Variants in PDE4B observed in about 807,000 individuals in gnomAD.
PDE4B encodes 3',5'-cyclic-AMP phosphodiesterase 4B.
In PDE4B, 20 loss-of-function variants were observed where a neutral mutation model predicts 82.2. That is an observed-to-expected ratio of 0.24 (90% CI 0.17 to 0.35). PDE4B has a LOEUF of 0.35. Ranked by LOEUF, PDE4B falls within the 10% of genes least tolerant of loss-of-function variation. PDE4B has a pLI of 1.00. For synonymous variants in PDE4B, 320 were observed against 318.9 expected, an observed-to-expected ratio of 1.00 and a Z score of -0.04; for missense variants, 655 against 907.2, an observed-to-expected ratio of 0.72 and a Z score of 3.57.
intron 3 of PDE4B, among the ~76,000 whole-genome samples, chr1:66,085,367 G>A (rs1223444463): frequency 1.3e-5 from 2 of 152,168 alleles, no homozygotes; most frequent in South Asian, 2.1e-4. Flanking sequence ...TAGAGGAATA[G>A]ACACCATCAA....
At chr1:65,852,016 C>T (rs1171069821) in intron 1 of PDE4B, among the ~76,000 whole-genome samples, 1 of 151,968 alleles carries the variant, frequency 6.6e-6, no homozygotes, top group Non-Finnish European at 1.5e-5. Context: ...GTGAATTACA[C>T]TGATTGATTT....
chr1:66,024,121 T>C (rs1653301980), intron 3 of PDE4B, among the ~76,000 whole-genome samples: 1 of 152,136 alleles, frequency 6.6e-6, no homozygotes, highest in Admixed American at 6.6e-5. Flanking sequence ...AGACTGTCCA[T>C]ACAAGTATCC....
intron 16 of PDE4B, 152 bp downstream of exon 16, chr1:66,369,121 G>A (rs1663477164): frequency 1.7e-6 from 1 of 573,442 alleles, no homozygotes; most frequent in Non-Finnish European, 2.9e-6. Context: ...CAGGACTCAT[G>A]CGACTTCTCC....
At position 65,937,517 on chromosome 1, in the gene PDE4B, G is replaced by A. The variant is rs115186051; in HGVS notation, c.281+18682G>A. Among the ~76,000 whole-genome samples, 772 of 152,182 alleles carry A rather than the reference G, an allele frequency of 5.1e-3. 5 individuals carry two copies. Among genetic ancestry groups the A allele is most frequent in the African/African-American group, 0.018 (734 of 41,516 alleles). Reference sequence around the variant, plus strand: ...ATACCCATAGATGTGCAAATGCCAGGGATTCAACAAAAGCTGGTGCATGGA... The same window carrying A: ...ATACCCATAGATGTGCAAATGCCAGAGATTCAACAAAAGCTGGTGCATGGA... On this transcript the variant is annotated intron_variant, in intron 3 of 16. Transcript: ENST00000341517.
rs1251953704 is a variant in PDE4B at position 66,332,337 on chromosome 1, T to C, written c.635-171T>C. On this transcript the variant is annotated intron_variant, in intron 7 of 16. Coordinates refer to ENST00000341517, the MANE Select transcript of PDE4B (RefSeq NM_002600.4). ...AGCCATCCCAGGCAGAGCACCACTGTGATTTGTTCTCCTGGTGGAGAGAGC... is the reference window on the plus strand; with the variant it reads ...AGCCATCCCAGGCAGAGCACCACTGCGATTTGTTCTCCTGGTGGAGAGAGC... The C allele has an allele frequency of 3.7e-6, 6 of 1,602,338 alleles. No individual in the cohort carries two copies. The Admixed American group carries it at 1.0e-4, about 27-fold the overall frequency.
chr1:65,989,481 A>T (rs758996052), intron 3 of PDE4B, among the ~76,000 whole-genome samples: 15 of 152,214 alleles, frequency 9.9e-5, no homozygotes, highest in Non-Finnish European at 2.1e-4. Flanking sequence ...ACACAGCGAG[A>T]CACTGTCTAA....
chr1:66,030,062 G>A (rs1162588570), intron 3 of PDE4B, among the ~76,000 whole-genome samples: 6 of 145,720 alleles, frequency 4.1e-5, no homozygotes, highest in Admixed American at 2.8e-4. Flanking sequence ...TATCATGAAG[G>A]GATGTTGGAT....
intron 3 of PDE4B, among the ~76,000 whole-genome samples, chr1:66,151,493 T>G (rs907377938): frequency 2.5e-4 from 38 of 152,292 alleles, no homozygotes; most frequent in African/African-American, 8.7e-4. Context: ...AATCAACCAT[T>G]ATATTCAAAT....
At chr1:66,015,169 T>G (rs1455212269) in intron 3 of PDE4B, among the ~76,000 whole-genome samples, 1 of 152,168 alleles carries the variant, frequency 6.6e-6, no homozygotes, top group Admixed American at 6.6e-5. Flanking sequence ...CATTTATGCA[T>G]TCATTTTCTC....
At chr1:66,076,554 T>C (rs1362733460) in intron 3 of PDE4B, among the ~76,000 whole-genome samples, 1 of 152,140 alleles carries the variant, frequency 6.6e-6, no homozygotes, top group Non-Finnish European at 1.5e-5. Flanking sequence ...AATTTCTGGA[T>C]TTAATGGTAG....
intron 3 of PDE4B, among the ~76,000 whole-genome samples, chr1:66,173,608 G>T (rs997712766): frequency 6.6e-6 from 1 of 152,208 alleles, no homozygotes; most frequent in Non-Finnish European, 1.5e-5. Flanking sequence ...CTGTTGAATT[G>T]TTAAGTGGTA....
chr1:66,107,407 T>C (rs1420193893), intron 3 of PDE4B, among the ~76,000 whole-genome samples: 1 of 151,954 alleles, frequency 6.6e-6, no homozygotes, highest in Admixed American at 6.6e-5. Context: ...CCCATTTTCC[T>C]GTATTTATTA....
At chr1:66,334,921 A>G (rs78364122) in intron 8 of PDE4B, among the ~76,000 whole-genome samples, 5,591 of 152,212 alleles carry the variant, frequency 0.037, 134 homozygotes, top group Non-Finnish European at 0.054. Context: ...AGATAATGCA[A>G]TGCAAACATT....
At chr1:66,324,909 C>T (rs1323386321) in intron 7 of PDE4B, among the ~76,000 whole-genome samples, 1 of 152,042 alleles carries the variant, frequency 6.6e-6, no homozygotes, top group African/African-American at 2.4e-5. Context: ...CCTGAGTGTG[C>T]TTCATTTACC....
At chr1:66,371,061 CATAT>C (rs5774812) in intron 16 of PDE4B, among the ~76,000 whole-genome samples, 1,135 of 110,832 alleles carry the variant, frequency 0.01, 25 homozygotes, top group African/African-American at 0.032. Flanking sequence ...ACACATCATA[CATAT>C]ATATATATAT....
intron 3 of PDE4B, among the ~76,000 whole-genome samples, chr1:66,115,282 G>A (rs759115182): frequency 5.9e-5 from 9 of 152,144 alleles, no homozygotes; most frequent in African/African-American, 9.7e-5. Context: ...CCAATGCCCC[G>A]TTTTCACGAC....
chr1:65,965,874 A>C (rs928602007), intron 3 of PDE4B, among the ~76,000 whole-genome samples: 5 of 152,130 alleles, frequency 3.3e-5, no homozygotes, highest in Middle Eastern at 3.2e-3. Flanking sequence ...CTCTCAGTAA[A>C]CTACGTATTG....
intron 8 of PDE4B, chr1:66,355,038 G>T: frequency 1.5e-6 from 1 of 653,210 alleles, no homozygotes; most frequent in Non-Finnish European, 2.6e-6. Context: ...TGAAATAAGA[G>T]CATGTTATAT....
At chr1:66,244,233 C>A (rs186519615) in intron 3 of PDE4B, among the ~76,000 whole-genome samples, 1 of 152,126 alleles carries the variant, frequency 6.6e-6, no homozygotes, top group Admixed American at 6.5e-5. Context: ...TCCAAACCTG[C>A]AGGAGAAAAA....
Sources: allele counts gnomAD v4.1 joint callset (sites outside exome capture counted in the v4.1 genomes callset), GRCh38; gene constraint gnomAD v4.1.1; transcripts MANE v1.5; gene names NCBI Gene and HGNC (gene_info 2026-07-23, HGNC 2026-07-21).